Variants in NAALADL2 observed in about 807,000 individuals in gnomAD.
NAALADL2 encodes inactive N-acetylated-alpha-linked acidic dipeptidase-like protein 2.
Under a neutral mutation model 87.2 loss-of-function variants are expected in NAALADL2, and 76 were observed. The observed-to-expected ratio is 0.87, with a 90% CI of 0.72 to 1.05. The LOEUF (loss-of-function observed/expected upper bound fraction) is 1.05. Among genes scored for constraint, NAALADL2 ranks in the 50% least tolerant of loss-of-function variants. The pLI, the probability that NAALADL2 is intolerant of heterozygous loss-of-function variation, is 0.00. For missense variants in NAALADL2, 1,089 were observed against 945.8 expected, an observed-to-expected ratio of 1.15 and a Z score of -1.99; for synonymous variants, 354 against 331.0, an observed-to-expected ratio of 1.07 and a Z score of -0.75.
chr3:174,733,049 A>C (rs965417589), intron 2 of NAALADL2, among the ~76,000 whole-genome samples: 2 of 152,174 alleles, frequency 1.3e-5, no homozygotes, highest in Non-Finnish European at 2.9e-5. Flanking sequence ...CATCCTCCAT[A>C]GTTGAGTGGG....
At chr3:175,493,773 G>A (rs1728432658) in intron 9 of NAALADL2, among the ~76,000 whole-genome samples, 1 of 152,062 alleles carries the variant, frequency 6.6e-6, no homozygotes, top group Non-Finnish European at 1.5e-5. Flanking sequence ...TTGTCATTAT[G>A]TTGTTTTGCA....
intron 11 of NAALADL2, among the ~76,000 whole-genome samples, chr3:175,696,750 A>G (rs528101696): frequency 7.2e-5 from 11 of 152,282 alleles, no homozygotes; most frequent in Admixed American, 7.2e-4. Context: ...TAATTTATAA[A>G]GAAAAGAAGT....
At chr3:175,667,243 A>AAAG (rs1560943730) in intron 11 of NAALADL2, among the ~76,000 whole-genome samples, 1,412 of 105,174 alleles carry the variant, frequency 0.013, 21 homozygotes, top group Non-Finnish European at 0.02. Flanking sequence ...AAGAAAGAAA[A>AAAG]AGAAAGAAAG....
chr3:174,539,451 G>A (rs1011896965), intron 1 of NAALADL2, among the ~76,000 whole-genome samples: 1 of 152,038 alleles, frequency 6.6e-6, no homozygotes, highest in Admixed American at 6.6e-5. Context: ...TTTATAGTGT[G>A]GACACTTTTG....
At chr3:175,041,351 AATATCTATTT>A in intron 1 of NAALADL2, among the ~76,000 whole-genome samples, 1 of 152,164 alleles carries the variant, frequency 6.6e-6, no homozygotes, top group Admixed American at 6.5e-5. Flanking sequence ...TGTTTCTAAG[AATATCTATTT>A]GCAGAATGAC....
chr3:174,980,881 G>A (rs552106501), intron 1 of NAALADL2, among the ~76,000 whole-genome samples: 1 of 152,086 alleles, frequency 6.6e-6, no homozygotes, highest in African/African-American at 2.4e-5. Flanking sequence ...TACATCTATT[G>A]TATCTTCAAA....
chr3:174,985,266 G>A (rs972470969), intron 1 of NAALADL2, among the ~76,000 whole-genome samples: 20 of 152,306 alleles, frequency 1.3e-4, no homozygotes, highest in Non-Finnish European at 2.6e-4. Context: ...CCGAAGTGTA[G>A]AGATATTTGG....
At chr3:174,690,040 G>A (rs1172392251) in intron 2 of NAALADL2, among the ~76,000 whole-genome samples, 1 of 151,946 alleles carries the variant, frequency 6.6e-6, no homozygotes, top group Non-Finnish European at 1.5e-5. Flanking sequence ...GTCAAAATGT[G>A]GTTGCTTTGT....
intron 2 of NAALADL2, among the ~76,000 whole-genome samples, chr3:175,232,717 CAG>C (rs1480665250): frequency 6.6e-6 from 1 of 152,110 alleles, no homozygotes; most frequent in South Asian, 2.1e-4. Flanking sequence ...GTTGAATAAA[CAG>C]GGTCCTGGAG....
intron 1 of NAALADL2, among the ~76,000 whole-genome samples, chr3:175,027,855 A>C (rs1304160496): frequency 2.0e-5 from 3 of 151,862 alleles, no homozygotes; most frequent in African/African-American, 2.4e-5. Context: ...AGGTCTGATC[A>C]GGCATTTATT....
intron 2 of NAALADL2, among the ~76,000 whole-genome samples, chr3:175,115,539 TATA>T (rs1196946186): frequency 6.6e-6 from 1 of 151,616 alleles, no homozygotes; most frequent in Non-Finnish European, 1.5e-5. Flanking sequence ...AATTTACAAG[TATA>T]ATGTTTGTGT....
At chr3:174,865,888 G>T (rs1196775737) in intron 1 of NAALADL2, among the ~76,000 whole-genome samples, 1 of 151,742 alleles carries the variant, frequency 6.6e-6, no homozygotes, top group Non-Finnish European at 1.5e-5. Context: ...CCCCTCTTTG[G>T]AAACAGAGGA....
At position 175,150,419 on chromosome 3, in the gene NAALADL2, T is replaced by G. The variant is rs975688302; in HGVS notation, c.545+53128T>G. Among the ~76,000 whole-genome samples the G allele has an allele frequency of 1.8e-4, 28 of 152,294 alleles. 1 individual carries two copies. The highest frequency in any genetic ancestry group is 9.2e-4 in the Admixed American group (14 of 15,276). On this transcript the variant is annotated intron_variant, in intron 2 of 13. Coordinates refer to ENST00000454872, the MANE Select transcript of NAALADL2 (RefSeq NM_207015.3). ...TAAGAATTCCCCTTTTCCATTTTTT[T>G]CTGTCTCAGACAGATTATTATTAAA...
At chr3:175,348,237 G>A (rs1231808513) in intron 5 of NAALADL2, among the ~76,000 whole-genome samples, 1 of 151,972 alleles carries the variant, frequency 6.6e-6, no homozygotes, top group Non-Finnish European at 1.5e-5. Flanking sequence ...TTTTAGTAGA[G>A]TCGGGGTTTC....
At chr3:175,605,971 CTG>C (rs1723680043) in intron 10 of NAALADL2, among the ~76,000 whole-genome samples, 3 of 152,194 alleles carry the variant, frequency 2.0e-5, no homozygotes, top group Admixed American at 1.3e-4. Flanking sequence ...TGTCACAAGA[CTG>C]GTGAGGAAGA....
rs568041026 is a variant in NAALADL2 at position 174,740,413 on chromosome 3, T to G, written c.-9+2667T>G. ...GATATCCATTTAACATAAATTCACCTTTAGCATTTGACATTTATTAGTCAT... is the reference window on the plus strand; with the variant it reads ...GATATCCATTTAACATAAATTCACCGTTAGCATTTGACATTTATTAGTCAT... On this transcript the variant is annotated intron_variant, in intron 3 of 3. Coordinates refer to the NAALADL2 transcript ENST00000434257. Among the ~76,000 whole-genome samples the G allele has an allele frequency of 1.4e-3, 213 of 152,064 alleles. 1 individual carries two copies. The highest frequency in any genetic ancestry group is 5.0e-3 in the African/African-American group (207 of 41,568).
At chr3:174,505,149 A>G (rs985233767) in intron 1 of NAALADL2, among the ~76,000 whole-genome samples, 1 of 152,198 alleles carries the variant, frequency 6.6e-6, no homozygotes, top group African/African-American at 2.4e-5. Flanking sequence ...TTTGTAACCT[A>G]ATATTATGAA....
At chr3:174,836,187 C>CAGGGATG (rs1723308989) in intron 3 of NAALADL2, among the ~76,000 whole-genome samples, 1 of 152,160 alleles carries the variant, frequency 6.6e-6, no homozygotes, top group Non-Finnish European at 1.5e-5. Context: ...CATGCTGCAA[C>CAGGGATG]AGGGATGAAC....
chr3:175,101,587 T>C (rs1242972176), intron 2 of NAALADL2, among the ~76,000 whole-genome samples: 1 of 152,238 alleles, frequency 6.6e-6, no homozygotes, highest in Non-Finnish European at 1.5e-5. Context: ...TCGAAAGTAA[T>C]GGCAAAAGCC....
Sources: gnomAD v4.1 joint callset for allele counts (sites outside exome capture counted in the v4.1 genomes callset) on GRCh38, gnomAD v4.1.1 for gene constraint, MANE v1.5 for transcripts, NCBI Gene and HGNC (gene_info 2026-07-23, HGNC 2026-07-21) for gene names.